ITCH: variants seen among roughly 807,000 people sequenced by gnomAD.
The protein encoded by ITCH is itchy E3 ubiquitin protein ligase, also known as E3 ubiquitin-protein ligase Itchy homolog.
Under a neutral mutation model 126.8 loss-of-function variants are expected in ITCH, and 28 were observed. That is an observed-to-expected ratio of 0.22 (90% CI 0.16 to 0.30). ITCH has a LOEUF of 0.30. Among genes scored for constraint, ITCH ranks in the 10% least tolerant of loss-of-function variants. ITCH has a pLI of 1.00. For synonymous variants in ITCH, 342 were observed against 340.0 expected (o/e 1.01, Z -0.06); for missense variants, 631 against 1,032.4 (o/e 0.61, Z 5.33).
intron 20 of ITCH, among the ~76,000 whole-genome samples, chr20:34,486,591 G>T (rs1989133656): frequency 6.6e-6 from 1 of 152,040 alleles, no homozygotes; most frequent in African/African-American, 2.4e-5. Flanking sequence ...GTCCCAAAGT[G>T]CCTGGATTAC....
At position 34,476,599 on chromosome 20, in the gene ITCH, T is replaced by C. The variant is rs143442762; in HGVS notation, c.1570-1173T>C. ...AGAATACTTGGCATAAACGTACATA[T>C]GTCATAAGCATTGAAGTTTTTTGTT... On this transcript the variant is annotated intron_variant, in intron 16 of 24. Coordinates refer to ENST00000374864, the MANE Select transcript of ITCH (RefSeq NM_031483.7). 2,934 of 551,598 alleles carry C rather than the reference T, an allele frequency of 5.3e-3. 16 individuals carry two copies. Among genetic ancestry groups the C allele is most frequent in the Middle Eastern group, 7.8e-3 (12 of 1,538 alleles). The allele number at this position is 551,598 out of a possible 1,614,324, so 34.2% of individuals were successfully genotyped here. A position where few individuals can be genotyped will look rare whatever the true frequency, so the allele number is the denominator to read the frequency against.
chr20:34,463,600 C>T (rs1226331278), intron 14 of ITCH, among the ~76,000 whole-genome samples: 3 of 151,768 alleles, frequency 2.0e-5, no homozygotes, highest in African/African-American at 7.3e-5. Flanking sequence ...TTCTCATCAA[C>T]TCTTCTGTTT....
intron 20 of ITCH, among the ~76,000 whole-genome samples, chr20:34,483,452 A>G (rs1988900664): frequency 1.3e-5 from 2 of 152,128 alleles, no homozygotes. Flanking sequence ...CATCTCTCTC[A>G]AGTACAATCG....
At chr20:34,477,100 AC>A (rs1988301001) in intron 16 of ITCH, among the ~76,000 whole-genome samples, 1 of 152,216 alleles carries the variant, frequency 6.6e-6, no homozygotes, top group African/African-American at 2.4e-5. Flanking sequence ...GTTAGCTGTT[AC>A]GTGTACCTTT....
In ITCH at chr20:34,412,630, A is replaced by T. The variant is rs574578082; in HGVS notation, c.328A>T (p.Asn110Tyr). Residue 110 changes from asparagine to tyrosine, a missense_variant, in exon 5 of 25, where the codon AAT becomes TAT. By Grantham distance (143) the Asn-to-Tyr change is moderately radical (BLOSUM62 -2). This residue lies in a region of ITCH where 220 missense variants were observed against 265.7 expected (regional missense o/e 0.83). Coordinates refer to ENST00000374864, the MANE Select transcript of ITCH (RefSeq NM_031483.7). The stretch of plus-strand genomic sequence containing the variant: ...TATTTATGAAACATTAAAGTCAAAC[A>T]ATATGAAACGTATGTATGTAAGACT... ...LDIYETLKSN[N>Y]MKLEEVVVTL... The T allele has an allele frequency of 6.2e-7, 1 of 1,607,380 alleles. No homozygotes were observed. Among genetic ancestry groups the T allele is most frequent in the South Asian group, 1.1e-5 (1 of 90,934 alleles).
intron 11 of ITCH, among the ~76,000 whole-genome samples, chr20:34,448,277 C>T (rs541799988): frequency 1.3e-5 from 2 of 152,078 alleles, no homozygotes; most frequent in East Asian, 3.9e-4. Context: ...CCTGTGATCC[C>T]AGCTACTCAG....
Position 34,424,740 on chromosome 20 carries a change from C to G in ITCH, c.521+215C>G, listed in dbSNP as rs186385185. Reference sequence around the variant, plus strand: ...GCTAGGGATAACCAAATTGTTGATACTTCTTCAGCTTGTAGAAAATAAATA... The same window carrying G: ...GCTAGGGATAACCAAATTGTTGATAGTTCTTCAGCTTGTAGAAAATAAATA... On this transcript the variant is annotated intron_variant, in intron 7 of 24. Coordinates refer to ENST00000374864, the MANE Select transcript of ITCH (RefSeq NM_031483.7). Among the ~76,000 whole-genome samples, 10 of 152,312 alleles carry G rather than the reference C, an allele frequency of 6.6e-5. No homozygotes were observed. In the East Asian group the frequency reaches 1.9e-3, roughly 29 times the overall value.
chr20:34,363,542 TG>T (rs1290978549), intron 1 of ITCH, among the ~76,000 whole-genome samples, 193 bp downstream of exon 1: 1 of 151,422 alleles, frequency 6.6e-6, no homozygotes, highest in African/African-American at 2.4e-5. Context: ...GGCCGGGCGG[TG>T]GGGGTGGGCT....
At chr20:34,415,509 A>T (rs945869718) in intron 6 of ITCH, among the ~76,000 whole-genome samples, 6 of 152,118 alleles carry the variant, frequency 3.9e-5, no homozygotes, top group Non-Finnish European at 7.4e-5. Context: ...GTGAGCGAAG[A>T]TCACACCACT....
At chr20:34,373,887 T>A (rs957367797) in intron 2 of ITCH, among the ~76,000 whole-genome samples, 1 of 152,036 alleles carries the variant, frequency 6.6e-6, no homozygotes. Flanking sequence ...GAACATTTTT[T>A]TTTTTTATTT....
At chr20:34,468,280 T>C (rs1987282425) in intron 14 of ITCH, among the ~76,000 whole-genome samples, 1 of 151,668 alleles carries the variant, frequency 6.6e-6, no homozygotes, top group Admixed American at 6.6e-5. Flanking sequence ...ATGATCCACC[T>C]GCCTTGGCCT....
intron 4 of ITCH, 52 bp from the exon 5 acceptor site, chr20:34,412,463 C>T: frequency 7.5e-7 from 1 of 1,337,546 alleles, no homozygotes. Context: ...TTTAGGATCT[C>T]ATTGTGATAT....
rs775532115 is a variant in ITCH at position 34,445,389 on chromosome 20, T to C, written c.1068T>C (p.Tyr356=). The change falls in exon 11 of 25, where the codon TAT becomes TAC. Residue 356 remains tyrosine (Y), a synonymous_variant. Coordinates refer to ENST00000374864, the MANE Select transcript of ITCH (RefSeq NM_031483.7). The stretch of plus-strand genomic sequence containing the variant: ...CAACACTGGAATCCGTCCGGAACTA[T>C]GAACAATGGCAGCTACAGCGTAGTC... ...QRPTLESVRN[Y]EQWQLQRSQL... is the part of the protein sequence containing the mutation. 4 of 1,613,898 alleles carry C rather than the reference T, an allele frequency of 2.5e-6. No homozygotes were observed. The highest frequency in any genetic ancestry group is 1.7e-5 in the Admixed American group (1 of 59,958).
intron 3 of ITCH, among the ~76,000 whole-genome samples, chr20:34,404,138 C>G (rs1473990743): frequency 6.6e-6 from 1 of 152,126 alleles, no homozygotes; most frequent in African/African-American, 2.4e-5. Context: ...TTAGAGGCCT[C>G]TCATAGTAGC....
intron 16 of ITCH, among the ~76,000 whole-genome samples, chr20:34,475,371 C>T (rs1215156605): frequency 6.6e-6 from 1 of 152,212 alleles, no homozygotes; most frequent in African/African-American, 2.4e-5. Context: ...CACCATTGAG[C>T]ACTGAGTGAA....
At position 34,508,797 on chromosome 20, in the gene ITCH, C is replaced by T. The variant is rs1978446238; in HGVS notation, c.*1003C>T. The T allele has an allele frequency of 1.3e-5, 2 of 152,116 alleles. No individual in the cohort carries two copies. The highest frequency in any genetic ancestry group is 2.9e-5 in the Non-Finnish European group (2 of 68,024). 9.4% of individuals were successfully genotyped at this position (152,116 alleles called of 1,614,324 possible). A position where few individuals can be genotyped will look rare whatever the true frequency, so the allele number is the denominator to read the frequency against. ...TGATGCTTTATAGTTTTATCATAAT[C>T]CAACAACTTCAGTTATATTTAATTA... On this transcript the variant is annotated 3_prime_UTR_variant, in exon 25 of 25. Transcript: ENST00000374864.
intron 2 of ITCH, among the ~76,000 whole-genome samples, chr20:34,386,609 A>G (rs528538040): frequency 1.8e-3 from 267 of 152,190 alleles, no homozygotes; most frequent in Non-Finnish European, 3.1e-3. Flanking sequence ...CTGAAATGTC[A>G]TTTTGGTGGA....
intron 6 of ITCH, among the ~76,000 whole-genome samples, chr20:34,415,840 A>G (rs1313882770): frequency 1.3e-5 from 2 of 152,112 alleles, no homozygotes; most frequent in Admixed American, 1.3e-4. Flanking sequence ...ATATTTAATA[A>G]TTGCTGGACG....
intron 12 of ITCH, among the ~76,000 whole-genome samples, chr20:34,451,650 A>G (rs1985260151): frequency 2.0e-5 from 3 of 152,208 alleles, no homozygotes; most frequent in Admixed American, 1.3e-4. Flanking sequence ...ATTCCCAGAC[A>G]TGGATGGTTT....
Sources: allele counts gnomAD v4.1 joint callset (sites outside exome capture counted in the v4.1 genomes callset), GRCh38; gene constraint gnomAD v4.1.1; regional missense constraint gnomAD v4.1.1; transcripts MANE v1.5; gene names NCBI Gene and HGNC (gene_info 2026-07-23, HGNC 2026-07-21).